Variants in ATG5 observed in about 807,000 individuals in gnomAD.
The protein encoded by ATG5 is autophagy protein 5.
In ATG5, 14 loss-of-function variants were observed where a neutral mutation model predicts 36.5. The ratio of observed to expected loss-of-function variants is 0.38; its 90% CI spans 0.25 to 0.60. The LOEUF (loss-of-function observed/expected upper bound fraction) is 0.60. Ranked by LOEUF, ATG5 falls within the 20% of genes least tolerant of loss-of-function variation. The pLI is 0.60. For missense variants in ATG5, 195 were observed against 326.7 expected (o/e 0.60, Z 3.11); for synonymous variants, 95 against 101.5 (o/e 0.94, Z 0.38).
At chr6:106,203,163 C>G (rs567762441) in intron 6 of ATG5, among the ~76,000 whole-genome samples, 2 of 152,338 alleles carry the variant, frequency 1.3e-5, no homozygotes, top group African/African-American at 4.8e-5. Context: ...AACAGCAGAT[C>G]CAGCCATTTC....
At chr6:106,285,636 G>A (rs2114614102) in intron 4 of ATG5, among the ~76,000 whole-genome samples, 1 of 152,304 alleles carries the variant, frequency 6.6e-6, no homozygotes, top group Non-Finnish European at 1.5e-5. Flanking sequence ...ATTTAACACT[G>A]TGCAGGTCAT....
At chr6:106,279,034 TCATGCATA>T (rs1355143039) in intron 5 of ATG5, among the ~76,000 whole-genome samples, 1 of 152,236 alleles carries the variant, frequency 6.6e-6, no homozygotes, top group African/African-American at 2.4e-5. Context: ...TAACTGAAAT[TCATGCATA>T]CTGGAACCAT....
In ATG5 at chr6:106,303,974, G is replaced by GAA. The variant is rs202110655; in HGVS notation, c.236+4388_236+4389dup. On this transcript the variant is annotated intron_variant, in intron 3 of 7. Transcript: ENST00000369076. ...TAGAAGTTCTAGCTACTCCAATAAGGAAAAAAAAAAAAAGAAGAAAAGAAA... is the reference window on the plus strand; with the variant it reads ...TAGAAGTTCTAGCTACTCCAATAAGGAAAAAAAAAAAAAAAGAAGAAAAGAAA... Among the ~76,000 whole-genome samples, 239 of 124,882 alleles carry GAA rather than the reference G, an allele frequency of 1.9e-3. 2 individuals carry two copies. Among genetic ancestry groups the GAA allele is most frequent in the African/African-American group, 6.7e-3 (226 of 33,858 alleles). The allele number at this position is 124,882 out of a possible 152,430, so 81.9% of individuals were successfully genotyped here.
intron 5 of ATG5, among the ~76,000 whole-genome samples, chr6:106,250,606 G>A (rs1778536316): frequency 6.6e-6 from 1 of 152,226 alleles, no homozygotes; most frequent in Non-Finnish European, 1.5e-5. Context: ...TTAAAAAAGT[G>A]TCTTTCTACC....
intron 5 of ATG5, among the ~76,000 whole-genome samples, chr6:106,262,530 A>C (rs1361659131): frequency 6.6e-6 from 1 of 152,160 alleles, no homozygotes; most frequent in African/African-American, 2.4e-5. Flanking sequence ...GAAAATCATA[A>C]AGTTCTTAAA....
intron 1 of ATG5, among the ~76,000 whole-genome samples, chr6:106,317,973 G>A (rs1026537536): frequency 4.7e-4 from 72 of 152,174 alleles, no homozygotes; most frequent in African/African-American, 1.7e-3. Context: ...GTCAACAGCT[G>A]CAACTGAGAT....
At chr6:106,287,102 C>A (rs1213033838) in intron 4 of ATG5, among the ~76,000 whole-genome samples, 1 of 152,166 alleles carries the variant, frequency 6.6e-6, no homozygotes, top group African/African-American at 2.4e-5. Context: ...CAGCTACCAA[C>A]ATTTATAGCT....
chr6:106,325,210 G>A (rs1771242896), intron 1 of ATG5: 1 of 152,226 alleles, frequency 6.6e-6, no homozygotes, highest in Non-Finnish European at 1.5e-5. Flanking sequence ...AAATAACTGT[G>A]TTCCACAAAC....
intron 6 of ATG5, among the ~76,000 whole-genome samples, chr6:106,221,056 C>T (rs766036540): frequency 5.9e-4 from 90 of 152,272 alleles, no homozygotes; most frequent in African/African-American, 2.1e-3. Context: ...GAAACTAAAG[C>T]CCATGTCAAC....
chr6:106,191,819 G>A (rs1055487194), intron 7 of ATG5, among the ~76,000 whole-genome samples: 3 of 152,032 alleles, frequency 2.0e-5, no homozygotes, highest in East Asian at 1.9e-4. Flanking sequence ...AGTAAAGAGC[G>A]ATTGTAATTC....
chr6:106,233,320 C>T (rs573468114), intron 6 of ATG5, among the ~76,000 whole-genome samples: 15 of 152,260 alleles, frequency 9.9e-5, no homozygotes, highest in Admixed American at 2.0e-4. Flanking sequence ...CCAGGTACGG[C>T]GAAATAGCCA....
rs1776637754 is a variant in ATG5, at chr6:106,206,444, T to C, written c.574-4355A>G. Among the ~76,000 whole-genome samples the C allele has an allele frequency of 2.0e-5, 3 of 151,606 alleles. No individual in the cohort carries two copies. The South Asian group carries it at 6.3e-4, about 32-fold the overall frequency. On this transcript the variant is annotated intron_variant, in intron 6 of 7. Transcript: ENST00000369076. The stretch of plus-strand genomic sequence containing the variant: ...GTGGTGGATCACCTGAGGTCAGGAG[T>C]TCAAGACCAGCCTGGCCAATATGGT...
chr6:106,270,578 C>T (rs1240905989), intron 5 of ATG5, among the ~76,000 whole-genome samples: 10 of 152,154 alleles, frequency 6.6e-5, no homozygotes, highest in Non-Finnish European at 1.5e-4. Context: ...TACTAATTTG[C>T]AAAGTAAACA....
At chr6:106,230,336 A>G (rs1190748976) in intron 6 of ATG5, among the ~76,000 whole-genome samples, 1 of 152,186 alleles carries the variant, frequency 6.6e-6, no homozygotes, top group Non-Finnish European at 1.5e-5. Flanking sequence ...ATGCATCTTG[A>G]TGGAGCAGCT....
chr6:106,314,568 TA>T (rs1770769287), intron 2 of ATG5, among the ~76,000 whole-genome samples: 1 of 151,856 alleles, frequency 6.6e-6, no homozygotes, highest in Admixed American at 6.6e-5. Flanking sequence ...AAATAAATAA[TA>T]AATAAATAAA....
intron 5 of ATG5, among the ~76,000 whole-genome samples, chr6:106,268,407 G>A (rs1779309263): frequency 6.6e-6 from 1 of 152,158 alleles, no homozygotes; most frequent in African/African-American, 2.4e-5. Flanking sequence ...TGGAGAAATA[G>A]GAACACTTTT....
At chr6:106,277,457 C>T (rs554263041) in intron 5 of ATG5, among the ~76,000 whole-genome samples, 12 of 152,292 alleles carry the variant, frequency 7.9e-5, no homozygotes, top group African/African-American at 2.6e-4. Context: ...GGGACAATTA[C>T]GATTGTTCCA....
intron 4 of ATG5, among the ~76,000 whole-genome samples, chr6:106,287,775 C>T (rs888108743): frequency 1.3e-5 from 2 of 151,612 alleles, no homozygotes; most frequent in Non-Finnish European, 2.9e-5. Flanking sequence ...TCAACATGGA[C>T]AAAGAGAGAA....
chr6:106,195,808 T>TA (rs35892579), intron 7 of ATG5, among the ~76,000 whole-genome samples: 12,499 of 91,162 alleles, frequency 0.14, 826 homozygotes, highest in Non-Finnish European at 0.18. Flanking sequence ...TGCTCCCCTC[T>TA]AAAAAAAAAA....
Sources: gnomAD v4.1 joint callset for allele counts (sites outside exome capture counted in the v4.1 genomes callset) on GRCh38, gnomAD v4.1.1 for gene constraint, MANE v1.5 for transcripts, NCBI Gene and HGNC (gene_info 2026-07-23, HGNC 2026-07-21) for gene names.